The following WLS variants were observed in gnomAD, a reference collection of about 807,000 sequenced individuals.
WLS encodes the protein Wnt ligand secretion mediator, also known as protein wntless homolog.
Under a neutral mutation model 62.8 loss-of-function variants are expected in WLS, and 23 were observed. That is an observed-to-expected ratio of 0.37 (90% confidence interval 0.26 to 0.52). The LOEUF is 0.52. WLS is among the 20% of genes least tolerant of loss of function. WLS has a pLI of 0.92. For missense variants in WLS, 615 were observed against 697.3 expected (o/e 0.88, Z 1.33); for synonymous variants, 246 against 244.1 (o/e 1.01, Z -0.07).
chr1:68,155,189 A>G lies in WLS; in HGVS notation c.576T>C (p.His192=), dbSNP rs764309802. 6.2e-7 allele frequency: 1 copy of G among 1,613,898 alleles called. No homozygotes were observed. The part of the protein sequence containing the change: ...LPFMEIGSVA[H]KFYLLNIRLP... ...GCCGGATGTTTAAAAGGTAAAACTTATGGGCCACAGACCCAATTTCCATGA... is the reference window on the plus strand; with the variant it reads ...GCCGGATGTTTAAAAGGTAAAACTTGTGGGCCACAGACCCAATTTCCATGA... Residue 192 remains histidine (H), a synonymous_variant, in exon 4 of 12, where the codon CAT becomes CAC. Coordinates refer to ENST00000262348, the MANE Select transcript of WLS (RefSeq NM_024911.7).
chr1:68,159,330 G>T (rs1646941623), intron 2 of WLS, 83 bp from the exon 3 acceptor site: 1 of 1,524,964 alleles, frequency 6.6e-7, no homozygotes, highest in South Asian at 1.2e-5. Context: ...TATAGGCTTT[G>T]ACTTGGAAAC....
chr1:68,222,693 A>T (rs1196299079), intron 1 of WLS, among the ~76,000 whole-genome samples: 4 of 152,130 alleles, frequency 2.6e-5, no homozygotes, highest in African/African-American at 9.7e-5. Flanking sequence ...TTCTAAATTA[A>T]GGTAGAACAA....
At chr1:68,197,036 T>TA (rs1021646613) in intron 1 of WLS, among the ~76,000 whole-genome samples, 12 of 152,150 alleles carry the variant, frequency 7.9e-5, no homozygotes, top group African/African-American at 2.9e-4. Flanking sequence ...AGAAAATAGT[T>TA]ACTACATTTT....
At chr1:68,218,372 T>C (rs1482794562) in intron 1 of WLS, among the ~76,000 whole-genome samples, 2 of 152,136 alleles carry the variant, frequency 1.3e-5, no homozygotes, top group Admixed American at 6.5e-5. Flanking sequence ...CAAGAAATCG[T>C]ACATCCAAGT....
intron 2 of WLS, among the ~76,000 whole-genome samples, chr1:68,164,417 C>G (rs1355368141): frequency 6.6e-6 from 1 of 152,062 alleles, no homozygotes; most frequent in African/African-American, 2.4e-5. Flanking sequence ...CACCACCATG[C>G]CTGGCTAATT....
chr1:68,145,617 C>G (rs1646742331), intron 9 of WLS, among the ~76,000 whole-genome samples: 1 of 151,944 alleles, frequency 6.6e-6, no homozygotes, highest in South Asian at 2.1e-4. Flanking sequence ...AGCTGAAGAA[C>G]CGGCTGAACA....
chr1:68,196,673 C>G (rs1040871230), intron 1 of WLS, among the ~76,000 whole-genome samples: 2 of 151,998 alleles, frequency 1.3e-5, no homozygotes, highest in African/African-American at 4.8e-5. Flanking sequence ...TTAATACTTA[C>G]CAGAAAACTC....
Position 68,145,081 on chromosome 1 carries a change from C to T in WLS, c.1279-429G>A, listed in dbSNP as rs985647393. Among the ~76,000 whole-genome samples the T allele has an allele frequency of 2.0e-5, 3 of 152,174 alleles. No homozygotes were observed. In the South Asian group the frequency reaches 6.2e-4, roughly 32 times the overall value. ...TTGGTTGAATTTTCTCATGTCACTC[C>T]AGCTCTGGAGACAGGCAAGCCTTAG... On this transcript the variant is annotated intron_variant, in intron 9 of 11. Transcript: ENST00000262348.
intron 2 of WLS, among the ~76,000 whole-genome samples, chr1:68,167,059 C>A (rs2100527147): frequency 6.6e-6 from 1 of 152,306 alleles, no homozygotes; most frequent in South Asian, 2.1e-4. Context: ...ACAGGTCAAT[C>A]TTAGCAGACC....
chr1:68,140,538 T>A (rs941156819), intron 10 of WLS, among the ~76,000 whole-genome samples: 1 of 152,132 alleles, frequency 6.6e-6, no homozygotes, highest in Non-Finnish European at 1.5e-5. Flanking sequence ...GTAGAACCAC[T>A]GGAATGAGAT....
intron 11 of WLS, among the ~76,000 whole-genome samples, chr1:68,133,940 G>T (rs1646568462): frequency 6.6e-6 from 1 of 152,154 alleles, no homozygotes. Flanking sequence ...CCACACACCT[G>T]GGATTCACTC....
chr1:68,231,320 G>T (rs1650407987), intron 1 of WLS, among the ~76,000 whole-genome samples: 1 of 152,170 alleles, frequency 6.6e-6, no homozygotes, highest in African/African-American at 2.4e-5. Context: ...TCGCCGAGGA[G>T]GCCGGCGAGC....
intron 2 of WLS, among the ~76,000 whole-genome samples, chr1:68,166,635 A>C (rs1422745076): frequency 1.3e-5 from 2 of 152,218 alleles, no homozygotes; most frequent in Non-Finnish European, 2.9e-5. Flanking sequence ...ATACCTTTCC[A>C]GCTTTCTACA....
rs1570886049 is a variant in WLS at position 68,145,738 on chromosome 1, A to T, written c.1278+131T>A. The T allele has an allele frequency of 6.9e-6, 10 of 1,451,398 alleles. No individual in the cohort carries two copies. The East Asian group carries it at 2.4e-4, about 35-fold the overall frequency. 89.9% of individuals were successfully genotyped at this position (1,451,398 alleles called of 1,614,324 possible). On this transcript the variant is annotated intron_variant, in intron 9 of 11. Coordinates refer to ENST00000262348, the MANE Select transcript of WLS (RefSeq NM_024911.7). ...ATTTGGCCTCTAATTTTGCCCAGAG[A>T]TCCTACATGAGAATCTCTCAATTTG...
chr1:68,183,063 G>C (rs1010202968), intron 2 of WLS, among the ~76,000 whole-genome samples: 3 of 152,084 alleles, frequency 2.0e-5, no homozygotes, highest in Non-Finnish European at 4.4e-5. Flanking sequence ...ACCATGCTGG[G>C]CTAATTTTTG....
intron 11 of WLS, among the ~76,000 whole-genome samples, chr1:68,129,978 C>T (rs368763096): frequency 3.2e-4 from 48 of 152,328 alleles, no homozygotes; most frequent in African/African-American, 1.2e-3. Context: ...TCTATTTCTT[C>T]CTAACCTTGT....
intron 2 of WLS, among the ~76,000 whole-genome samples, chr1:68,180,917 C>T (rs929397671): frequency 6.6e-6 from 1 of 152,172 alleles, no homozygotes; most frequent in African/African-American, 2.4e-5. Context: ...TACTATCTCT[C>T]TACTAACACC....
chr1:68,183,545 A>G (rs1252618604), intron 2 of WLS: 2 of 533,410 alleles, frequency 3.7e-6, no homozygotes, highest in Non-Finnish European at 7.7e-6. Context: ...GAAGGCCAAA[A>G]ATTAGTTCCC....
chr1:68,183,237 TAAAGAAG>T (rs1163101467), intron 2 of WLS, among the ~76,000 whole-genome samples: 1 of 152,142 alleles, frequency 6.6e-6, no homozygotes, highest in African/African-American at 2.4e-5. Flanking sequence ...AGTCATAAAT[TAAAGAAG>T]ACATGGTCGT....
Sources: gnomAD v4.1 joint callset for allele counts (sites outside exome capture counted in the v4.1 genomes callset) on GRCh38, gnomAD v4.1.1 for gene constraint, MANE v1.5 for transcripts, NCBI Gene and HGNC (gene_info 2026-07-23, HGNC 2026-07-21) for gene names.